PPOX: variants seen among roughly 807,000 people sequenced by gnomAD.
The protein encoded by PPOX is variegate porphyria.
PPOX carries 23 observed loss-of-function variants against 54.1 expected under a neutral mutation model. That is an observed-to-expected ratio of 0.43 (90% confidence interval 0.31 to 0.60). The LOEUF is 0.60. Among genes scored for constraint, PPOX ranks in the 20% least tolerant of loss-of-function variants. The pLI is 0.13. For missense variants in PPOX, 512 were observed against 601.1 expected, an observed-to-expected ratio of 0.85 and a Z score of 1.55; for synonymous variants, 224 against 236.1, an observed-to-expected ratio of 0.95 and a Z score of 0.47.
rs199710255 is a variant in PPOX, at chr1:161,167,225, C to A, written c.213C>A (p.Thr71=). The A allele has an allele frequency of 2.5e-6, 4 of 1,614,150 alleles. No homozygotes were observed. Among genetic ancestry groups the A allele is most frequent in the Non-Finnish European group, 3.4e-6 (4 of 1,180,030 alleles). The part of the protein sequence containing the change: ...IRPAGALGAR[T]LLLVSELGLD... ...CAGCGGGAGCCCTAGGGGCCCGGAC[C>A]TTGCTCCTGGTGAGAGGCTTGTGGG... Residue 71 remains threonine (T), a synonymous_variant, in exon 3 of 13, where the codon ACC becomes ACA. Coordinates refer to ENST00000367999, the MANE Select transcript of PPOX (RefSeq NM_001122764.3).
At chr1:161,169,760 A>G (rs1434184200) in intron 8 of PPOX, 40 bp downstream of exon 8, 2 of 1,613,514 alleles carry the variant, frequency 1.2e-6, no homozygotes, top group Non-Finnish European at 1.7e-6. Flanking sequence ...AACCCCTACC[A>G]GTGAGAAGCA....
chr1:161,172,013 G>A (rs751099833), downstream of PPOX: 9 of 1,614,206 alleles, frequency 5.6e-6, no homozygotes, highest in Non-Finnish European at 7.6e-6. Flanking sequence ...CCCAGCTCTC[G>A]AGCCAGCAAC....
At chr1:161,177,029 GAGAGTA>G in exon 5 of PPOX, 1 of 1,536,056 alleles carries the variant, frequency 6.5e-7, no homozygotes, top group Non-Finnish European at 8.7e-7. Context: ...GAGCTCGGCG[GAGAGTA>G]GGGTGGGGGT....
At chr1:161,168,396 AT>A (rs1237942709) in intron 5 of PPOX, 35 bp from the exon 6 acceptor site, 2 of 1,612,436 alleles carry the variant, frequency 1.2e-6, no homozygotes, top group Non-Finnish European at 1.7e-6. Flanking sequence ...AGTGTAGATT[AT>A]TTTTTCGCTC....
chr1:161,168,030 C>G lies in PPOX; in HGVS notation c.374C>G (p.Pro125Arg), dbSNP rs569119341. The part of the protein sequence containing the change: ...LLRPSPPFSK[P>R]LFWAGLRELT... The stretch of plus-strand genomic sequence containing the variant: ...CGCCCTTCACCCCCCTTCTCCAAAC[C>G]TCTGTTTTGGGCTGGGCTGAGGGAG... Residue 125 changes from proline to arginine, a missense_variant, in exon 5 of 13, where the codon CCT (proline) becomes CGT (arginine). Physicochemically the swap from Pro to Arg is moderately radical, Grantham distance 103. Coordinates refer to ENST00000367999, the MANE Select transcript of PPOX (RefSeq NM_001122764.3). 1 of 1,614,174 alleles carries G rather than the reference C, an allele frequency of 6.2e-7. No homozygotes were observed. The highest frequency in any genetic ancestry group is 1.3e-5 in the African/African-American group (1 of 75,032).
chr1:161,172,428 T>C (rs1387379655), downstream of PPOX: 1 of 1,081,292 alleles, frequency 9.2e-7, no homozygotes, highest in Non-Finnish European at 1.3e-6. Flanking sequence ...AACTATTACT[T>C]AGTAGGCAAA....
downstream of PPOX, chr1:161,175,145 G>A (rs776504350): frequency 9.9e-6 from 16 of 1,613,886 alleles, no homozygotes; most frequent in East Asian, 8.9e-5. Context: ...GGGCGGTACC[G>A]GCCCCCTGGT....
upstream of PPOX, chr1:161,166,185 C>G (rs1478621129): frequency 2.0e-6 from 2 of 979,818 alleles, no homozygotes; most frequent in African/African-American, 3.5e-5. Flanking sequence ...TAAGCTTGTG[C>G]TGGGGAACGC....
chr1:161,170,291 C>T, intron 9 of PPOX, 118 bp from the exon 10 acceptor site: 1 of 948,984 alleles, frequency 1.1e-6, no homozygotes, highest in Non-Finnish European at 1.7e-6. Context: ...CGCCATTACA[C>T]TCCAGCCTGG....
At chr1:161,169,311 TG>T in intron 7 of PPOX, 128 bp downstream of exon 7, 1 of 1,126,342 alleles carries the variant, frequency 8.9e-7, no homozygotes, top group Non-Finnish European at 1.3e-6. Context: ...TACTTAGACA[TG>T]GGCTACCCCA....
chr1:161,169,686 G>C lies in PPOX; in HGVS notation c.834G>C (p.Glu278Asp), dbSNP rs775581896. Residue 278 changes from glutamate (E) to aspartate (D), a missense_variant, in exon 8 of 13, where the codon GAG (glutamate) becomes GAC (aspartate). By Grantham distance (45) the Glu-to-Asp change is conservative. Coordinates refer to ENST00000367999, the MANE Select transcript of PPOX (RefSeq NM_001122764.3). ...TATCTCTAAGGGACAGCAGTCTGGA[G>C]GCTGACCACGTTATTAGTGCCATTC... ...WKVSLRDSSL[E>D]ADHVISAIPA... 2 of 1,614,070 alleles carry C rather than the reference G, an allele frequency of 1.2e-6. No homozygotes were observed. The highest frequency in any genetic ancestry group is 2.7e-5 in the African/African-American group (2 of 74,918).
downstream of PPOX, among the ~76,000 whole-genome samples, chr1:161,175,437 T>C (rs900951419): frequency 2.6e-5 from 4 of 152,206 alleles, no homozygotes; most frequent in Non-Finnish European, 5.9e-5. Flanking sequence ...AGCCTTCTCT[T>C]CTTATTTTAG....
Position 161,169,951 on chromosome 1 carries a change from C to T in PPOX, c.914C>T (p.Ala305Val), listed in dbSNP as rs1231414527. ...LPAEAAPLAR[A>V]LSAITAVSVA... ...GCTGAGGCTGCCCCTCTGGCTCGTG[C>T]CCTGAGTGCCATCACTGCAGTGTCT... is the stretch of plus-strand genomic sequence containing the variant. Residue 305 changes from alanine to valine, a missense_variant, in exon 9 of 13, where the codon GCC (alanine) becomes GTC (valine). Coordinates refer to ENST00000367999, the MANE Select transcript of PPOX (RefSeq NM_001122764.3). 1 of 1,614,178 alleles carries T rather than the reference C, an allele frequency of 6.2e-7. No homozygotes were observed. Among genetic ancestry groups the T allele is most frequent in the South Asian group, 1.1e-5 (1 of 91,086 alleles).
chr1:161,175,286 C>G, downstream of PPOX: 10 of 1,507,618 alleles, frequency 6.6e-6, no homozygotes, highest in Non-Finnish European at 8.2e-6. Flanking sequence ...AAGAATCAAA[C>G]TAGGGTTTGG....
chr1:161,166,718 A>G, intron 1 of PPOX, 46 bp downstream of exon 1: 2 of 1,539,448 alleles, frequency 1.3e-6, no homozygotes, highest in South Asian at 1.2e-5. Flanking sequence ...CCACCAGCCC[A>G]TCCGTGCACA....
chr1:161,176,858 C>G lies in PPOX; in HGVS notation c.382C>G (p.Gln128Glu), dbSNP rs1368067383. 9.1e-6 allele frequency: 14 copies of G among 1,535,672 alleles called. No individual in the cohort carries two copies. The East Asian group carries it at 2.0e-4, about 21-fold the overall frequency. The change falls in exon 5 of 5, where the codon CAG becomes GAG. Residue 128 changes from glutamine (Q) to glutamate (E), a missense_variant. Coordinates refer to the PPOX transcript ENST00000497522. ...CATTGTTTTCCCCCAGACCAAGAAC[C>G]AGTTGAAGTGGCGACAGAGTCATGA...
In PPOX at chr1:161,167,453, G is replaced by C. The variant is rs1178621189; in HGVS notation, c.305G>C (p.Gly102Ala). The stretch of plus-strand genomic sequence containing the variant: ...GCCCAGAACAGGTTCCTCTACGTGG[G>C]CGGTGCCCTGCATGCCCTACCCACT... ...PAAQNRFLYV[G>A]GALHALPTGL... The change falls in exon 4 of 13, where the codon GGC becomes GCC. Residue 102 changes from glycine to alanine, a missense_variant. Coordinates refer to ENST00000367999, the MANE Select transcript of PPOX (RefSeq NM_001122764.3). The C allele has an allele frequency of 6.2e-7, 1 of 1,612,808 alleles. No individual in the cohort carries two copies.
At chr1:161,173,778 C>A (rs779830727), downstream of PPOX, 11 of 1,612,020 alleles carry the variant, frequency 6.8e-6, no homozygotes. Context: ...GGACACATCC[C>A]CAACCACAAT....
At chr1:161,170,321 T>TGGGGGGGGGCCCCCC in intron 9 of PPOX, 88 bp from the exon 10 acceptor site, 2 of 367,768 alleles carry the variant, frequency 5.4e-6, no homozygotes, top group East Asian at 7.7e-5. Flanking sequence ...TGAGACTCTG[T>TGGGGGGGGGCCCCCC]CCCCCCCACC....
Sources: allele counts gnomAD v4.1 joint callset (sites outside exome capture counted in the v4.1 genomes callset), GRCh38; gene constraint gnomAD v4.1.1; transcripts MANE v1.5; gene names NCBI Gene and HGNC (gene_info 2026-07-23, HGNC 2026-07-21).